The following CCDC171 variants were observed in gnomAD, a reference collection of about 807,000 sequenced individuals.
CCDC171 encodes coiled-coil domain containing 171, also known as coiled-coil domain-containing protein 171.
Under a neutral mutation model 168.2 loss-of-function variants are expected in CCDC171, and 177 were observed. The observed-to-expected ratio is 1.05, with a 90% CI of 0.93 to 1.19. CCDC171 has a LOEUF of 1.19. Among genes scored for constraint, CCDC171 ranks in the 50% most tolerant of loss-of-function variants. The probability of loss-of-function intolerance (pLI) is 0.00; values close to 1 mark genes in which losing one functional copy is unlikely to be tolerated. For missense variants in CCDC171, 1,991 were observed against 1,539.0 expected (o/e 1.29, Z -4.91); for synonymous variants, 687 against 540.8 (o/e 1.27, Z -3.75).
chr9:15,613,519 T>C (rs2043854452), intron 6 of CCDC171, among the ~76,000 whole-genome samples: 1 of 151,634 alleles, frequency 6.6e-6, no homozygotes, highest in Non-Finnish European at 1.5e-5. Context: ...TTTTTCTTTT[T>C]TTCTTTTCTT....
intron 25 of CCDC171, among the ~76,000 whole-genome samples, chr9:15,954,793 A>G (rs542765462): frequency 9.2e-5 from 14 of 151,430 alleles, no homozygotes; most frequent in Non-Finnish European, 1.6e-4. Flanking sequence ...TAGGCTTTCT[A>G]TCTCTTTATT....
At chr9:15,945,632 G>A (rs1469265354) in intron 25 of CCDC171, among the ~76,000 whole-genome samples, 6 of 143,506 alleles carry the variant, frequency 4.2e-5, no homozygotes, top group African/African-American at 1.5e-4. Flanking sequence ...GATGGCCAGT[G>A]ATGGTGAGCA....
chr9:15,688,177 G>A (rs2050544896), intron 10 of CCDC171, among the ~76,000 whole-genome samples: 2 of 151,150 alleles, frequency 1.3e-5, no homozygotes, highest in South Asian at 4.2e-4. Flanking sequence ...ATAGCAGGAT[G>A]TCTTAGAATA....
chr9:15,904,190 T>C (rs1339314105), intron 24 of CCDC171, among the ~76,000 whole-genome samples: 1 of 151,860 alleles, frequency 6.6e-6, no homozygotes, highest in African/African-American at 2.4e-5. Flanking sequence ...ACAAAGATAC[T>C]CCTCGAGAAG....
chr9:15,784,720 T>G (rs2057848036), intron 21 of CCDC171, 26 bp downstream of exon 21: 1 of 1,547,404 alleles, frequency 6.5e-7, no homozygotes. Context: ...GATATTTGCA[T>G]AAAGGGATAT....
At chr9:15,794,704 G>C (rs1466116666) in intron 21 of CCDC171, among the ~76,000 whole-genome samples, 1 of 152,196 alleles carries the variant, frequency 6.6e-6, no homozygotes, top group Non-Finnish European at 1.5e-5. Flanking sequence ...ATGTGATACA[G>C]ATGGCATGTG....
chr9:16,092,632 C>T, the CCDC171 span, among the ~76,000 whole-genome samples: 166 of 152,326 alleles, frequency 1.1e-3, no homozygotes, highest in African/African-American at 3.7e-3. Context: ...TAAACATAGC[C>T]AAACAACTTT....
At chr9:15,584,031 T>C (rs1378545212) in intron 4 of CCDC171, among the ~76,000 whole-genome samples, 1 of 152,072 alleles carries the variant, frequency 6.6e-6, no homozygotes, top group African/African-American at 2.4e-5. Context: ...CACGCCCGGC[T>C]AATTTTCTTG....
intron 25 of CCDC171, among the ~76,000 whole-genome samples, chr9:15,922,398 C>A (rs1027356042): frequency 4.0e-5 from 6 of 151,540 alleles, no homozygotes; most frequent in African/African-American, 1.2e-4. Flanking sequence ...GAAAAACAAA[C>A]CTTTGTCTTT....
At chr9:16,038,360 T>C (rs529643457), upstream of CCDC171, among the ~76,000 whole-genome samples, 1 of 152,298 alleles carries the variant, frequency 6.6e-6, no homozygotes, top group African/African-American at 2.4e-5. Context: ...TAGAAGTTAA[T>C]AATCTTGACA....
chr9:16,016,669 CT>C (rs1407044832), intron 3 of CCDC171, among the ~76,000 whole-genome samples: 3 of 152,212 alleles, frequency 2.0e-5, no homozygotes, highest in Non-Finnish European at 2.9e-5. Flanking sequence ...TTGCTGGTGT[CT>C]GTTGGATTTC....
At chr9:15,837,704 C>T (rs1588769144) in intron 21 of CCDC171, among the ~76,000 whole-genome samples, 1 of 152,218 alleles carries the variant, frequency 6.6e-6, no homozygotes, top group Non-Finnish European at 1.5e-5. Context: ...GTTTTAACAA[C>T]TCTGTATTAC....
chr9:16,057,484 T>C (rs1478578830), intron 1 of CCDC171, among the ~76,000 whole-genome samples: 1 of 152,202 alleles, frequency 6.6e-6, no homozygotes, highest in African/African-American at 2.4e-5. Context: ...TCATTTTGTT[T>C]TGTTTTTGGC....
intron 24 of CCDC171, among the ~76,000 whole-genome samples, chr9:15,894,548 TC>T (rs1373016792): frequency 5.9e-5 from 9 of 152,108 alleles, no homozygotes; most frequent in African/African-American, 2.2e-4. Flanking sequence ...CTTGGGCTCT[TC>T]ATGATCTGGG....
chr9:16,063,175 T>C (rs900704424), downstream of CCDC171, among the ~76,000 whole-genome samples: 1 of 152,158 alleles, frequency 6.6e-6, no homozygotes, highest in African/African-American at 2.4e-5. Flanking sequence ...AAATGCACAA[T>C]GTGAGTAGTG....
chr9:15,862,395 T>G (rs1300638419), intron 23 of CCDC171, among the ~76,000 whole-genome samples: 1 of 151,870 alleles, frequency 6.6e-6, no homozygotes, highest in Admixed American at 6.6e-5. Flanking sequence ...TCTGCCCTAA[T>G]ATTTGTTCCT....
chr9:15,560,272 C>T (rs2039177446), intron 1 of CCDC171, among the ~76,000 whole-genome samples: 1 of 152,106 alleles, frequency 6.6e-6, no homozygotes, highest in South Asian at 2.1e-4. Flanking sequence ...TGAATGTTGG[C>T]CTGCCTCACT....
At chr9:15,623,189 C>G in intron 6 of CCDC171, 78 bp from the exon 7 acceptor site, 1 of 987,910 alleles carries the variant, frequency 1.0e-6, no homozygotes, top group Admixed American at 2.7e-5. Context: ...TTTAGTTACT[C>G]ACTGTCTTCT....
chr9:15,975,074 A>C (rs1480479177), downstream of CCDC171, among the ~76,000 whole-genome samples: 5 of 152,106 alleles, frequency 3.3e-5, no homozygotes, highest in Non-Finnish European at 7.4e-5. Flanking sequence ...CTCACTGTGC[A>C]CTTTTTATAG....
Sources: gnomAD v4.1 joint callset for allele counts (sites outside exome capture counted in the v4.1 genomes callset) on GRCh38, gnomAD v4.1.1 for gene constraint, MANE v1.5 for transcripts, NCBI Gene and HGNC (gene_info 2026-07-23, HGNC 2026-07-21) for gene names.